Variants in TARP observed in about 807,000 individuals in gnomAD.
At chr7:38,261,238 T>A in the TARP span, among the ~76,000 whole-genome samples, 27 of 151,936 alleles carry the variant, frequency 1.8e-4, no homozygotes, top group Non-Finnish European at 7.4e-5. Flanking sequence ...TTTCTTGCTA[T>A]CTGACTCTAT....
chr7:38,269,451 C>T, the TARP span: 3 of 722,424 alleles, frequency 4.2e-6, no homozygotes, highest in African/African-American at 3.5e-5. Context: ...CCTGCTTTCC[C>T]TCTATTACCT....
At chr7:38,261,204 T>C in the TARP span, among the ~76,000 whole-genome samples, 1 of 151,736 alleles carries the variant, frequency 6.6e-6, no homozygotes, top group Non-Finnish European at 1.5e-5. Flanking sequence ...ATGTCCGTTT[T>C]GTTTCAGGTT....
chr7:38,266,428 T>A, the TARP span, among the ~76,000 whole-genome samples: 108 of 151,770 alleles, frequency 7.1e-4, no homozygotes, highest in African/African-American at 2.5e-3. Context: ...CACCTCAGCC[T>A]CCCAAGTAGC....
chr7:38,261,223 G>T, the TARP span, among the ~76,000 whole-genome samples: 1 of 151,474 alleles, frequency 6.6e-6, no homozygotes, highest in African/African-American at 2.4e-5. Context: ...TTCCTGGCTT[G>T]GTAATTTCTT....
the TARP span, among the ~76,000 whole-genome samples, chr7:38,264,611 A>G: frequency 7.3e-5 from 11 of 151,356 alleles, no homozygotes; most frequent in African/African-American, 2.7e-4. Context: ...AAGACTTTTT[A>G]CTTTTAGAAT....
chr7:38,265,500 C>A, the TARP span: 1 of 1,612,052 alleles, frequency 6.2e-7, no homozygotes, highest in Non-Finnish European at 8.5e-7. Flanking sequence ...TCATGGTGTT[C>A]CCCTCCTGGG....
chr7:38,261,114 G>C, the TARP span, among the ~76,000 whole-genome samples: 1 of 151,514 alleles, frequency 6.6e-6, no homozygotes, highest in Non-Finnish European at 1.5e-5. Context: ...ACAAAATGTA[G>C]GTCACTTACA....
At chr7:38,266,588 A>T in the TARP span, among the ~76,000 whole-genome samples, 242 of 151,686 alleles carry the variant, frequency 1.6e-3, no homozygotes, top group African/African-American at 5.7e-3. Flanking sequence ...GGTGTGAGCC[A>T]CCATGCCTAG....
At chr7:38,261,658 G>C in the TARP span, among the ~76,000 whole-genome samples, 38 of 151,404 alleles carry the variant, frequency 2.5e-4, no homozygotes, top group East Asian at 7.0e-3. Context: ...CAGATCACGA[G>C]GTCACAAATT....
chr7:38,271,263 C>T, the TARP span, among the ~76,000 whole-genome samples: 1 of 151,460 alleles, frequency 6.6e-6, no homozygotes, highest in Non-Finnish European at 1.5e-5. Flanking sequence ...TCAAATAAGA[C>T]ACAAGGAATG....
chr7:38,273,609 G>C, the TARP span: 19 of 1,597,492 alleles, frequency 1.2e-5, no homozygotes, highest in African/African-American at 2.4e-4. Flanking sequence ...GCTTTGTTCC[G>C]GGACCAAATA....
the TARP span, among the ~76,000 whole-genome samples, chr7:38,267,446 A>G: frequency 6.6e-6 from 1 of 151,834 alleles, no homozygotes; most frequent in South Asian, 2.1e-4. Context: ...GAATTTAATA[A>G]TTGAACAATT....
the TARP span, among the ~76,000 whole-genome samples, chr7:38,266,786 G>T: frequency 6.6e-6 from 1 of 151,792 alleles, no homozygotes; most frequent in South Asian, 2.1e-4. Flanking sequence ...CAAGTTTTGG[G>T]ATGCAGCAGT....
chr7:38,266,392 G>A, the TARP span, among the ~76,000 whole-genome samples: 1 of 151,648 alleles, frequency 6.6e-6, no homozygotes, highest in Non-Finnish European at 1.5e-5. Context: ...CTGCAGTCTC[G>A]ACTTCCCAGG....
chr7:38,269,251 C>T, the TARP span, among the ~76,000 whole-genome samples: 3 of 151,800 alleles, frequency 2.0e-5, no homozygotes, highest in African/African-American at 7.3e-5. Context: ...TCATACATTA[C>T]ATATGAGCCC....
At chr7:38,267,401 C>T in the TARP span, among the ~76,000 whole-genome samples, 1 of 151,498 alleles carries the variant, frequency 6.6e-6, no homozygotes, top group African/African-American at 2.4e-5. Flanking sequence ...TTTTGATTTC[C>T]AATTGAAACT....
the TARP span, chr7:38,265,600 G>A: frequency 6.2e-7 from 1 of 1,611,848 alleles, no homozygotes; most frequent in Non-Finnish European, 8.5e-7. Flanking sequence ...GTATGTTCCA[G>A]CCTTCTGGAG....
At chr7:38,271,148 C>A in the TARP span, among the ~76,000 whole-genome samples, 3 of 151,028 alleles carry the variant, frequency 2.0e-5, no homozygotes, top group African/African-American at 7.3e-5. Flanking sequence ...TAGGTCTTCT[C>A]AAATAGATTT....
chr7:38,261,220 C>A, the TARP span, among the ~76,000 whole-genome samples: 6 of 151,736 alleles, frequency 4.0e-5, no homozygotes, highest in Non-Finnish European at 7.4e-5. Flanking sequence ...AGGTTCCTGG[C>A]TTGGTAATTT....
Sources: allele counts gnomAD v4.1 joint callset (sites outside exome capture counted in the v4.1 genomes callset), GRCh38; gene constraint gnomAD v4.1.1; transcripts MANE v1.5.